RANBP2: variants seen among roughly 807,000 people sequenced by gnomAD.
RANBP2 encodes E3 SUMO-protein ligase RanBP2.
In RANBP2, 57 loss-of-function variants were observed where a neutral mutation model predicts 303.6. That is an observed-to-expected ratio of 0.19 (90% CI 0.15 to 0.23). RANBP2 has a LOEUF of 0.23. Ranked by LOEUF, RANBP2 falls within the 10% of genes least tolerant of loss-of-function variation. RANBP2 has a pLI of 1.00. For missense variants in RANBP2, 3,138 were observed against 3,780.8 expected, an observed-to-expected ratio of 0.83 and a Z score of 4.46; for synonymous variants, 1,167 against 1,301.5, an observed-to-expected ratio of 0.90 and a Z score of 2.23.
chr2:108,757,678 A>C (rs1000977420), intron 17 of RANBP2, among the ~76,000 whole-genome samples: 1 of 152,226 alleles, frequency 6.6e-6, no homozygotes, highest in South Asian at 2.1e-4. Flanking sequence ...ATTGCAGTGC[A>C]GAAAGAACAC....
the RANBP2 span, among the ~76,000 whole-genome samples, chr2:109,512,895 A>G: frequency 6.6e-6 from 1 of 152,296 alleles, no homozygotes; most frequent in South Asian, 2.1e-4. Flanking sequence ...CAGGTCCACC[A>G]TGACTTTGGC....
At chr2:108,833,894 ATTTTTTT>A in the RANBP2 span, among the ~76,000 whole-genome samples, 2,170 of 79,272 alleles carry the variant, frequency 0.027, 75 homozygotes, top group African/African-American at 0.1. Context: ...CGCCCGGCTA[ATTTTTTT>A]TTTTTTTTTT....
the RANBP2 span, among the ~76,000 whole-genome samples, chr2:109,455,528 C>A: frequency 6.6e-6 from 1 of 151,916 alleles, no homozygotes; most frequent in Non-Finnish European, 1.5e-5. Flanking sequence ...ATGTGTGTTA[C>A]TATGGCATAT....
the RANBP2 span, among the ~76,000 whole-genome samples, chr2:108,820,508 G>A: frequency 1.3e-5 from 2 of 151,890 alleles, no homozygotes; most frequent in Non-Finnish European, 2.9e-5. Flanking sequence ...CTCCAGAGAG[G>A]ACAATTCTAA....
chr2:109,723,676 G>A, the RANBP2 span, among the ~76,000 whole-genome samples: 1 of 152,240 alleles, frequency 6.6e-6, no homozygotes, highest in East Asian at 1.9e-4. Context: ...ACCTTTGTCA[G>A]ATGGATAGAC....
the RANBP2 span, among the ~76,000 whole-genome samples, chr2:108,889,874 G>A: frequency 6.6e-6 from 1 of 152,058 alleles, no homozygotes; most frequent in Non-Finnish European, 1.5e-5. Flanking sequence ...GATTGTTGTT[G>A]TGGTTGGTGG....
At chr2:109,726,544 G>A in the RANBP2 span, among the ~76,000 whole-genome samples, 2 of 152,184 alleles carry the variant, frequency 1.3e-5, no homozygotes, top group Non-Finnish European at 2.9e-5. Flanking sequence ...AGAGGAGACC[G>A]TTTCCAAGGA....
chr2:109,296,704 A>AT, the RANBP2 span, among the ~76,000 whole-genome samples: 1 of 152,078 alleles, frequency 6.6e-6, no homozygotes, highest in Non-Finnish European at 1.5e-5. Flanking sequence ...GGCAGCAGAG[A>AT]TTCTGCAGAG....
chr2:109,552,591 T>C, the RANBP2 span: 1 of 157,088 alleles, frequency 6.4e-6, no homozygotes, highest in East Asian at 1.9e-4. Flanking sequence ...GCATACACTG[T>C]GTTGCCACTG....
chr2:109,566,281 C>T, the RANBP2 span, among the ~76,000 whole-genome samples: 1 of 151,906 alleles, frequency 6.6e-6, no homozygotes, highest in Non-Finnish European at 1.5e-5. Context: ...CCACAACATC[C>T]AGCTAATTTT....
the RANBP2 span, chr2:109,615,916 G>A: frequency 6.2e-7 from 1 of 1,609,420 alleles, no homozygotes; most frequent in Non-Finnish European, 8.5e-7. Flanking sequence ...AACAAAATCC[G>A]ATTCAGAACC....
At chr2:108,919,383 A>C in the RANBP2 span, among the ~76,000 whole-genome samples, 1 of 151,986 alleles carries the variant, frequency 6.6e-6, no homozygotes, top group African/African-American at 2.4e-5. Flanking sequence ...TTAGAGGCGG[A>C]GTTTCGCTCT....
chr2:109,517,510 C>CG, the RANBP2 span, among the ~76,000 whole-genome samples: 4,244 of 152,288 alleles, frequency 0.028, 216 homozygotes, highest in African/African-American at 0.096. Context: ...CGCCTGGCTG[C>CG]TGCTTGCTTC....
At chr2:109,488,466 G>C in the RANBP2 span, among the ~76,000 whole-genome samples, 4 of 152,198 alleles carry the variant, frequency 2.6e-5, no homozygotes. Flanking sequence ...CTGCGGAGGG[G>C]CTGACGGGCC....
chr2:109,012,065 A>G, the RANBP2 span, among the ~76,000 whole-genome samples: 5 of 152,198 alleles, frequency 3.3e-5, no homozygotes, highest in African/African-American at 1.2e-4. Context: ...TTGAATGTTT[A>G]CCCAGATATT....
chr2:109,069,181 G>A, the RANBP2 span, among the ~76,000 whole-genome samples: 1 of 152,114 alleles, frequency 6.6e-6, no homozygotes, highest in Non-Finnish European at 1.5e-5. Flanking sequence ...TATACCAAGG[G>A]AAAATAATTA....
the RANBP2 span, among the ~76,000 whole-genome samples, chr2:109,713,656 G>T: frequency 1.3e-5 from 2 of 152,132 alleles, no homozygotes; most frequent in Non-Finnish European, 2.9e-5. Flanking sequence ...GGCCTGCTGG[G>T]GTCCCTGATC....
the RANBP2 span, among the ~76,000 whole-genome samples, chr2:109,584,074 C>T: frequency 6.6e-6 from 1 of 152,016 alleles, no homozygotes; most frequent in Non-Finnish European, 1.5e-5. Context: ...TCACTTGTAC[C>T]CCAAACCTCA....
the RANBP2 span, among the ~76,000 whole-genome samples, chr2:109,191,253 GT>G: frequency 6.6e-6 from 1 of 152,294 alleles, no homozygotes; most frequent in South Asian, 2.1e-4. Flanking sequence ...CGGGAAGGTT[GT>G]TTCTGACATC....
Sources: allele counts gnomAD v4.1 joint callset (sites outside exome capture counted in the v4.1 genomes callset), GRCh38; gene constraint gnomAD v4.1.1; transcripts MANE v1.5; gene names NCBI Gene and HGNC (gene_info 2026-07-23, HGNC 2026-07-21).